VWA5A: variants seen among roughly 807,000 people sequenced by gnomAD.
VWA5A encodes the protein von Willebrand factor A domain containing 5A, also known as von Willebrand factor A domain-containing protein 5A.
In VWA5A, 77 loss-of-function variants were observed where a neutral mutation model predicts 84.6. The observed-to-expected ratio is 0.91, with a 90% CI of 0.76 to 1.10. The LOEUF (loss-of-function observed/expected upper bound fraction) is 1.10, where lower values mean the gene tolerates loss of function less well. Ranked by LOEUF, VWA5A falls within the 50% of genes least tolerant of loss-of-function variation. VWA5A has a pLI of 0.00. For missense variants in VWA5A, 973 were observed against 963.0 expected, an observed-to-expected ratio of 1.01 and a Z score of -0.14; for synonymous variants, 334 against 350.1, an observed-to-expected ratio of 0.95 and a Z score of 0.51.
At chr11:124,118,846 G>A in intron 6 of VWA5A, 129 bp from the exon 7 acceptor site, 3 of 1,348,408 alleles carry the variant, frequency 2.2e-6, no homozygotes, top group Non-Finnish European at 3.1e-6. Flanking sequence ...AATCTCCAGA[G>A]CCTTCTCTCC....
intron 12 of VWA5A, 47 bp downstream of exon 12, chr11:124,135,081 C>A: frequency 6.6e-7 from 1 of 1,520,606 alleles, no homozygotes; most frequent in Non-Finnish European, 9.0e-7. Context: ...CAATCCAGAC[C>A]AAAGTGGAAC....
chr11:124,145,090 C>G lies in VWA5A; in HGVS notation c.2155-147C>G, dbSNP rs1860794524. 5.1e-6 allele frequency: 5 copies of G among 982,006 alleles called. No individual in the cohort carries two copies. The South Asian group carries it at 1.2e-4, about 23-fold the overall frequency. 60.8% of individuals were successfully genotyped at this position (982,006 alleles called of 1,614,324 possible). A position where few individuals can be genotyped will look rare whatever the true frequency, so the allele number is the denominator to read the frequency against. On this transcript the variant is annotated intron_variant, in intron 17 of 18. Coordinates refer to ENST00000456829, the MANE Select transcript of VWA5A (RefSeq NM_001130142.2). ...TGAGGTTTAAGGCCTGGCATTATGC[C>G]TTGCAAGTAGTATCTGGAGGTAAAG...
intron 15 of VWA5A, among the ~76,000 whole-genome samples, chr11:124,140,837 C>G (rs915557088): frequency 6.6e-6 from 1 of 152,310 alleles, no homozygotes; most frequent in East Asian, 1.9e-4. Context: ...ATCTTCCCAC[C>G]TCAGCCTCCT....
intron 17 of VWA5A, among the ~76,000 whole-genome samples, chr11:124,144,445 G>A (rs1049829407): frequency 7.2e-5 from 11 of 152,078 alleles, no homozygotes; most frequent in Non-Finnish European, 1.2e-4. Context: ...AAATCATTAC[G>A]CTGTTTGTTT....
intron 11 of VWA5A, among the ~76,000 whole-genome samples, chr11:124,130,411 T>C (rs989276217): frequency 1.1e-4 from 17 of 152,274 alleles, no homozygotes; most frequent in Middle Eastern, 3.4e-3. Context: ...TGTGGTCAAT[T>C]TTAGAGTAAG....
rs1865152057 is a variant in VWA5A at position 124,134,986 on chromosome 11, AG to A, written c.1316del (p.Gly439AlafsTer20). ...SLIKGIARAS[G>X]GTSEFITGKD... Reference sequence around the variant, plus strand: ...TAATAAAAGGTATTGCCCGGGCATCAGGGGGCACCTCAGAATTTATCACAGG... The same window carrying A: ...TAATAAAAGGTATTGCCCGGGCATCAGGGGCACCTCAGAATTTATCACAGG... On this transcript the variant is annotated frameshift_variant, in exon 12 of 19. Coordinates refer to ENST00000456829, the MANE Select transcript of VWA5A (RefSeq NM_001130142.2). LOFTEE classifies it high-confidence loss of function. 1 of 1,613,642 alleles carries A rather than the reference AG, an allele frequency of 6.2e-7. No individual in the cohort carries two copies. The highest frequency in any genetic ancestry group is 8.5e-7 in the Non-Finnish European group (1 of 1,179,828).
At chr11:124,124,527 C>A in intron 11 of VWA5A, 1 of 1,310,842 alleles carries the variant, frequency 7.6e-7, no homozygotes, top group Non-Finnish European at 9.7e-7. Context: ...GTTTCTTATT[C>A]TTTCTAAACT....
chr11:124,144,880 G>T (rs986286064), intron 17 of VWA5A, among the ~76,000 whole-genome samples: 1 of 151,914 alleles, frequency 6.6e-6, no homozygotes. Context: ...TTTCTTTGGT[G>T]GGGGGGTATA....
chr11:124,124,506 G>A, intron 11 of VWA5A, 190 bp downstream of exon 11: 1 of 1,340,284 alleles, frequency 7.5e-7, no homozygotes, highest in Non-Finnish European at 9.5e-7. Context: ...CAACAACACA[G>A]CAAAACCATT....
chr11:124,123,759 C>G lies in VWA5A; in HGVS notation c.1119C>G (p.Leu373=). The change falls in exon 10 of 19, where the codon CTC becomes CTG. Residue 373 remains leucine, a synonymous_variant. Transcript: ENST00000456829. The stretch of plus-strand genomic sequence containing the variant: ...GGGGCACTGAAATCTTGGCACCACT[C>G]CAGAACATTTACAGGGGACCCTCCA... ...DLGGTEILAP[L]QNIYRGPSIP... The G allele has an allele frequency of 2.5e-6, 4 of 1,606,758 alleles. No individual in the cohort carries two copies. Among genetic ancestry groups the G allele is most frequent in the Non-Finnish European group, 3.4e-6 (4 of 1,177,134 alleles).
chr11:124,135,637 TCTC>T (rs1865166957), intron 12 of VWA5A, among the ~76,000 whole-genome samples: 1 of 143,602 alleles, frequency 7.0e-6, no homozygotes, highest in Non-Finnish European at 1.5e-5. Context: ...TTCACGCCAT[TCTC>T]CTGCCTCAGC....
chr11:124,145,815 A>G (rs1860810593), intron 18 of VWA5A, 51 bp from the exon 19 acceptor site: 1 of 1,533,522 alleles, frequency 6.5e-7, no homozygotes, highest in East Asian at 2.4e-5. Context: ...GGTTTGGAGG[A>G]GCCTCTAATT....
intron 16 of VWA5A, among the ~76,000 whole-genome samples, chr11:124,142,222 C>T (rs1171104018): frequency 6.6e-6 from 1 of 152,224 alleles, no homozygotes; most frequent in Non-Finnish European, 1.5e-5. Context: ...CCTCGCCCCC[C>T]AGCAGAGCCC....
At chr11:124,136,784 C>T in intron 14 of VWA5A, 110 bp downstream of exon 14, 1 of 812,466 alleles carries the variant, frequency 1.2e-6, no homozygotes, top group Non-Finnish European at 1.9e-6. Context: ...CTCCCTCCTT[C>T]CTTCCTTCTT....
At chr11:124,137,857 T>A (rs1860642286) in intron 15 of VWA5A, among the ~76,000 whole-genome samples, 1 of 152,202 alleles carries the variant, frequency 6.6e-6, no homozygotes, top group Non-Finnish European at 1.5e-5. Context: ...GTTCTGGACT[T>A]ATTTTCCTTC....
In VWA5A at chr11:124,129,912, A is replaced by G. The variant is rs1212323812; in HGVS notation, c.1245-5008A>G. 2.6e-5 allele frequency among the ~76,000 whole-genome samples: 4 copies of G among 152,002 alleles called. No individual in the cohort carries two copies. The East Asian group carries it at 7.7e-4, about 29-fold the overall frequency. ...GTCTGGATAGCAGTCTATTTTGTTAATCTTTTCAAAAAGCCAGCTCCTGGA... is the reference window on the plus strand; with the variant it reads ...GTCTGGATAGCAGTCTATTTTGTTAGTCTTTTCAAAAAGCCAGCTCCTGGA... On this transcript the variant is annotated intron_variant, in intron 11 of 18. Coordinates refer to ENST00000456829, the MANE Select transcript of VWA5A (RefSeq NM_001130142.2).
At chr11:124,135,823 C>T (rs1865172496) in intron 12 of VWA5A, among the ~76,000 whole-genome samples, 1 of 151,878 alleles carries the variant, frequency 6.6e-6, no homozygotes, top group African/African-American at 2.4e-5. Flanking sequence ...AGCCACCGCG[C>T]CCGGCCTCTG....
In VWA5A at chr11:124,117,546, G is replaced by A. The variant is rs139773809; in HGVS notation, c.35G>A (p.Arg12Gln). 2.8e-5 allele frequency: 45 copies of A among 1,613,988 alleles called. No individual in the cohort carries two copies. Among genetic ancestry groups the A allele is most frequent in the African/African-American group, 4.0e-5 (3 of 74,884 alleles). The change falls in exon 3 of 19, where the codon CGG (arginine) becomes CAG (glutamine). Residue 12 changes from arginine to glutamine, a missense_variant. Physicochemically the swap from Arg to Gln is conservative, Grantham distance 43 (BLOSUM62 1). Coordinates refer to ENST00000456829, the MANE Select transcript of VWA5A (RefSeq NM_001130142.2). ...TTCTGTGGCCTACTCACCCTCCACC[G>A]GGAGCCAGGTAAGCCTAATTTGTGA... ...VHFCGLLTLH[R>Q]EPVPLKSISV...
chr11:124,118,227 C>A lies in VWA5A; in HGVS notation c.285C>A (p.His95Gln), dbSNP rs1458180778. 1.2e-6 allele frequency: 2 copies of A among 1,614,052 alleles called. No individual in the cohort carries two copies. Among genetic ancestry groups the A allele is most frequent in the African/African-American group, 1.3e-5 (1 of 74,924 alleles). ...ATGAGAAAGCCATCTCCCAGGGCCA[C>A]CAGGCCTTCTTATTGGAGGGGGACA... is the stretch of plus-strand genomic sequence containing the variant. ...TNYEKAISQG[H>Q]QAFLLEGDSS... The change falls in exon 5 of 19, where the codon CAC (histidine) becomes CAA (glutamine). Residue 95 changes from histidine to glutamine, a missense_variant. Transcript: ENST00000456829.
Sources: allele counts gnomAD v4.1 joint callset (sites outside exome capture counted in the v4.1 genomes callset), GRCh38; gene constraint gnomAD v4.1.1; transcripts MANE v1.5; gene names NCBI Gene and HGNC (gene_info 2026-07-23, HGNC 2026-07-21).